The following PTCHD4 variants were observed in gnomAD, a reference collection of about 807,000 sequenced individuals.
PTCHD4 encodes the protein patched domain-containing protein 4.
In PTCHD4, 33 loss-of-function variants were observed where a neutral mutation model predicts 58.1. That is an observed-to-expected ratio of 0.57 (90% CI 0.43 to 0.76). The LOEUF is 0.76. Ranked by LOEUF, PTCHD4 falls within the 30% of genes least tolerant of loss-of-function variation. PTCHD4 has a pLI of 0.00. For synonymous variants in PTCHD4, 478 were observed against 409.6 expected (o/e 1.17, Z -2.02); for missense variants, 1,058 against 1,027.1 (o/e 1.03, Z -0.41).
At chr6:48,078,516 T>A (rs1039973031) in intron 1 of PTCHD4, among the ~76,000 whole-genome samples, 1 of 152,248 alleles carries the variant, frequency 6.6e-6, no homozygotes, top group Non-Finnish European at 1.5e-5. Context: ...TTTAGTCATT[T>A]AAATAAACAT....
chr6:48,087,115 C>A (rs143287094), intron 1 of PTCHD4, among the ~76,000 whole-genome samples: 10 of 152,290 alleles, frequency 6.6e-5, no homozygotes, highest in Non-Finnish European at 1.2e-4. Context: ...CTTTTCTATG[C>A]CTATGTCTTT....
In PTCHD4 at chr6:47,879,011, C is replaced by T; in HGVS notation, c.1824G>A (p.Val608=). 1.2e-6 allele frequency: 2 copies of T among 1,613,360 alleles called. No homozygotes were observed. Among genetic ancestry groups the T allele is most frequent in the African/African-American group, 1.3e-5 (1 of 75,010 alleles). The part of the protein sequence containing the change: ...SNIIASRLYL[V]ARTSRDKQKE... ...TCTGCTTGTCTCTGCTAGTCCTGGC[C>T]ACCAGATACAAGCGAGAAGCAATGA... The change falls in exon 5 of 5, where the codon GTG becomes GTA. Residue 608 remains valine, a synonymous_variant. Transcript: ENST00000339488.
chr6:47,886,119 ATT>A (rs34214628), intron 4 of PTCHD4, among the ~76,000 whole-genome samples: 13 of 145,914 alleles, frequency 8.9e-5, no homozygotes, highest in African/African-American at 2.3e-4. Context: ...CGATGGCAAG[ATT>A]TTTTTTTTTT....
chr6:48,103,593 GGATGGAGAAT>G (rs1477197300), intron 1 of PTCHD4, among the ~76,000 whole-genome samples: 10 of 152,154 alleles, frequency 6.6e-5, no homozygotes, highest in Admixed American at 3.3e-4. Flanking sequence ...GAACAAAGCT[GGATGGAGAAT>G]GACTTTGACG....
At chr6:47,918,947 G>A (rs1018128069) in intron 4 of PTCHD4, among the ~76,000 whole-genome samples, 4 of 152,070 alleles carry the variant, frequency 2.6e-5, no homozygotes, top group African/African-American at 9.7e-5. Flanking sequence ...CTGCTGGCTG[G>A]AATACGGATG....
intron 1 of PTCHD4, among the ~76,000 whole-genome samples, chr6:48,094,571 A>G (rs1765424749): frequency 6.6e-6 from 1 of 152,212 alleles, no homozygotes; most frequent in African/African-American, 2.4e-5. Flanking sequence ...CCGAGTCAAG[A>G]AATAACTTTC....
intron 4 of PTCHD4, among the ~76,000 whole-genome samples, chr6:48,001,075 A>G (rs1337081081): frequency 6.6e-6 from 1 of 152,178 alleles, no homozygotes; most frequent in Non-Finnish European, 1.5e-5. Flanking sequence ...TTCAAGGAGA[A>G]CTACAAACCA....
At chr6:47,972,119 T>C (rs1439286758) in intron 4 of PTCHD4, among the ~76,000 whole-genome samples, 3 of 152,128 alleles carry the variant, frequency 2.0e-5, no homozygotes, top group Non-Finnish European at 2.9e-5. Context: ...AATGAGATGA[T>C]GTAGGGAGAG....
At chr6:48,019,564 T>G (rs560491403) in intron 3 of PTCHD4, among the ~76,000 whole-genome samples, 16 of 151,946 alleles carry the variant, frequency 1.1e-4, no homozygotes, top group Admixed American at 3.3e-4. Flanking sequence ...GTGAAACCCT[T>G]TCTCTACTAA....
chr6:47,892,908 A>T (rs950269428), intron 4 of PTCHD4, among the ~76,000 whole-genome samples: 1 of 152,240 alleles, frequency 6.6e-6, no homozygotes, highest in African/African-American at 2.4e-5. Flanking sequence ...GTTAACCCAA[A>T]AGTTCAGGAA....
At chr6:48,043,299 C>G (rs1253637949) in intron 3 of PTCHD4, among the ~76,000 whole-genome samples, 4 of 151,846 alleles carry the variant, frequency 2.6e-5, no homozygotes, top group African/African-American at 9.7e-5. Flanking sequence ...CCAAACTGTT[C>G]TCTTCTGTAT....
At position 47,879,492 on chromosome 6, in the gene PTCHD4, C is replaced by A. The variant is rs369189426; in HGVS notation, c.1343G>T (p.Arg448Leu). 1.9e-6 allele frequency: 3 copies of A among 1,613,610 alleles called. No homozygotes were observed. Among genetic ancestry groups the A allele is most frequent in the Middle Eastern group, 1.7e-4 (1 of 6,058 alleles). The change falls in exon 5 of 5, where the codon CGT becomes CTT. Residue 448 changes from arginine to leucine, a missense_variant. Coordinates refer to ENST00000339488, the MANE Select transcript of PTCHD4 (RefSeq NM_001384253.1). ...YQHHFIQHFL[R>L]EHYNEWITNI... ...GGTAATCCATTCATTATAATGTTCA[C>A]GGAGGAAGTGCTGAATGAAGTGGTG...
chr6:47,955,546 T>A (rs1766825649), intron 4 of PTCHD4, among the ~76,000 whole-genome samples: 1 of 152,198 alleles, frequency 6.6e-6, no homozygotes. Flanking sequence ...GAGCAAGTGG[T>A]CCAGTTTTCC....
chr6:47,903,794 T>C (rs1764789948), intron 4 of PTCHD4, among the ~76,000 whole-genome samples: 1 of 152,172 alleles, frequency 6.6e-6, no homozygotes. Context: ...TTATTTAATA[T>C]GTTGTATATT....
intron 4 of PTCHD4, among the ~76,000 whole-genome samples, chr6:48,002,054 C>T (rs531681017): frequency 6.6e-6 from 1 of 152,296 alleles, no homozygotes; most frequent in East Asian, 1.9e-4. Flanking sequence ...TCAAAAACCA[C>T]AATGAGATAC....
intron 3 of PTCHD4, among the ~76,000 whole-genome samples, chr6:48,023,781 T>C (rs541673559): frequency 2.6e-5 from 4 of 152,270 alleles, no homozygotes. Flanking sequence ...AACTTTAGCA[T>C]AGAGAATGCT....
chr6:48,070,026 C>T (rs948634152), intron 1 of PTCHD4, among the ~76,000 whole-genome samples, 100 bp from the exon 2 acceptor site: 2 of 152,004 alleles, frequency 1.3e-5, no homozygotes, highest in Non-Finnish European at 2.9e-5. Context: ...AAACCCCCAC[C>T]AGATACAATT....
chr6:48,106,074 T>C (rs1201845993), intron 1 of PTCHD4, among the ~76,000 whole-genome samples: 1 of 152,106 alleles, frequency 6.6e-6, no homozygotes, highest in East Asian at 1.9e-4. Flanking sequence ...GAATAGAAAA[T>C]GAGAGAATCC....
chr6:48,057,352 A>G (rs1764448792), intron 3 of PTCHD4, among the ~76,000 whole-genome samples: 1 of 152,126 alleles, frequency 6.6e-6, no homozygotes, highest in Non-Finnish European at 1.5e-5. Flanking sequence ...ATTCCTTTAC[A>G]ACTTCCTTCA....
Sources: gnomAD v4.1 joint callset for allele counts (sites outside exome capture counted in the v4.1 genomes callset) on GRCh38, gnomAD v4.1.1 for gene constraint, MANE v1.5 for transcripts, NCBI Gene and HGNC (gene_info 2026-07-23, HGNC 2026-07-21) for gene names.